Variants in PLD5 observed in about 807,000 individuals in gnomAD.
The protein encoded by PLD5 is inactive phospholipase D5.
In PLD5, 36 loss-of-function variants were observed where a neutral mutation model predicts 61.1. The observed-to-expected ratio is 0.59, with a 90% confidence interval of 0.45 to 0.78. The LOEUF (loss-of-function observed/expected upper bound fraction) is 0.78, where lower values mean the gene tolerates loss of function less well. PLD5 is among the 30% of genes least tolerant of loss of function. The pLI, the probability that PLD5 is intolerant of heterozygous loss-of-function variation, is 0.00. For synonymous variants in PLD5, 243 were observed against 242.8 expected, an observed-to-expected ratio of 1.00 and a Z score of -0.01; for missense variants, 515 against 644.4, an observed-to-expected ratio of 0.80 and a Z score of 2.17.
intron 3 of PLD5, among the ~76,000 whole-genome samples, chr1:242,274,331 C>T (rs1421474319): frequency 2.0e-5 from 3 of 152,214 alleles, no homozygotes; most frequent in East Asian, 1.9e-4. Context: ...GGCGGAGGAT[C>T]ACTTGAGGCC....
At chr1:242,287,454 T>G (rs1270807848) in intron 3 of PLD5, among the ~76,000 whole-genome samples, 1 of 152,222 alleles carries the variant, frequency 6.6e-6, no homozygotes, top group Non-Finnish European at 1.5e-5. Context: ...TCCATTCTTC[T>G]TTAGTTACGG....
At chr1:242,216,384 T>C (rs1177786813) in intron 5 of PLD5, among the ~76,000 whole-genome samples, 4 of 152,220 alleles carry the variant, frequency 2.6e-5, no homozygotes. Flanking sequence ...AGTTTCAGGA[T>C]AGGGTTATGG....
chr1:242,258,304 G>A (rs1673195288), intron 4 of PLD5, among the ~76,000 whole-genome samples: 1 of 152,162 alleles, frequency 6.6e-6, no homozygotes, highest in African/African-American at 2.4e-5. Context: ...CATCCACTGA[G>A]TATGGTCACT....
chr1:242,176,096 A>G (rs540915667), intron 5 of PLD5, among the ~76,000 whole-genome samples: 5 of 152,238 alleles, frequency 3.3e-5, no homozygotes, highest in African/African-American at 4.8e-5. Flanking sequence ...TTTAAAGTTC[A>G]TATGGAACCA....
intron 1 of PLD5, among the ~76,000 whole-genome samples, chr1:242,466,866 C>G (rs1223062250): frequency 6.6e-6 from 1 of 151,130 alleles, no homozygotes; most frequent in East Asian, 1.9e-4. Flanking sequence ...GCACTCCAGC[C>G]TGCGGTACAG....
chr1:242,255,657 T>C (rs1228575350), intron 4 of PLD5, among the ~76,000 whole-genome samples: 1 of 152,186 alleles, frequency 6.6e-6, no homozygotes, highest in African/African-American at 2.4e-5. Flanking sequence ...CTTTCAAAGA[T>C]TTTGTTAAGC....
intron 2 of PLD5, among the ~76,000 whole-genome samples, chr1:242,300,743 G>GT (rs1209340423): frequency 2.1e-4 from 1 of 4,748 alleles, no homozygotes. Flanking sequence ...TCAGAAATGG[G>GT]TTGCAGCGGG....
intron 9 of PLD5, among the ~76,000 whole-genome samples, chr1:242,092,713 T>C (rs1659929717): frequency 1.3e-5 from 2 of 152,134 alleles, no homozygotes; most frequent in South Asian, 4.2e-4. Flanking sequence ...CCCGCAGTCA[T>C]CTGTGGGAGA....
intron 2 of PLD5, among the ~76,000 whole-genome samples, chr1:242,331,829 C>T (rs1245603554): frequency 6.6e-6 from 1 of 152,096 alleles, no homozygotes; most frequent in East Asian, 1.9e-4. Flanking sequence ...TCCTAGAGTG[C>T]CCTGTGCATA....
At chr1:242,263,191 C>T (rs1673471122) in intron 4 of PLD5, among the ~76,000 whole-genome samples, 1 of 152,114 alleles carries the variant, frequency 6.6e-6, no homozygotes, top group South Asian at 2.1e-4. Context: ...TTGTCATTTA[C>T]TGGGAAGCCC....
rs201158086 is a variant in PLD5 at position 242,394,813 on chromosome 1, AAT to A, written c.190-46573_190-46572del. ...GTGAATATATATGTGTATATATGTG[AAT>A]ATATATACATATATGTGAATATATA... On this transcript the variant is annotated intron_variant, in intron 1 of 9. Transcript: ENST00000536534. 1.6e-4 allele frequency among the ~76,000 whole-genome samples: 7 copies of A among 44,220 alleles called. 3 individuals are homozygous for A. Among genetic ancestry groups the A allele is most frequent in the African/African-American group, 5.6e-4 (4 of 7,112 alleles). The allele number at this position is 44,220 out of a possible 152,430, so 29.0% of individuals were successfully genotyped here. A position where few individuals can be genotyped will look rare whatever the true frequency, so the allele number is the denominator to read the frequency against.
At chr1:242,284,959 C>T (rs1030366432) in intron 3 of PLD5, among the ~76,000 whole-genome samples, 13 of 152,202 alleles carry the variant, frequency 8.5e-5, no homozygotes, top group African/African-American at 3.1e-4. Context: ...GCTGGTTTTA[C>T]ATTGTACAGA....
chr1:242,154,977 G>C (rs1665237792), intron 5 of PLD5, among the ~76,000 whole-genome samples: 2 of 152,062 alleles, frequency 1.3e-5, no homozygotes, highest in Non-Finnish European at 2.9e-5. Flanking sequence ...TCTGGTCCTG[G>C]ACATTTTTTG....
chr1:242,092,348 C>T (rs1247157540), intron 9 of PLD5, among the ~76,000 whole-genome samples: 1 of 152,064 alleles, frequency 6.6e-6, no homozygotes, highest in African/African-American at 2.4e-5. Flanking sequence ...TTCCACTTTA[C>T]AGCTGAGGAG....
At chr1:242,470,039 G>A (rs1667393256) in intron 1 of PLD5, among the ~76,000 whole-genome samples, 1 of 152,128 alleles carries the variant, frequency 6.6e-6, no homozygotes, top group African/African-American at 2.4e-5. Context: ...CCAGATGGGT[G>A]CCAAGAAAAT....
chr1:242,347,487 G>A (rs1183560130), intron 2 of PLD5, among the ~76,000 whole-genome samples: 3 of 152,144 alleles, frequency 2.0e-5, no homozygotes, highest in Non-Finnish European at 2.9e-5. Context: ...AGTTTGATGA[G>A]GAGATTTCTG....
chr1:242,342,810 C>A (rs181343224), intron 2 of PLD5, among the ~76,000 whole-genome samples: 1 of 151,424 alleles, frequency 6.6e-6, no homozygotes, highest in Admixed American at 6.6e-5. Context: ...ACAACTGAGG[C>A]TCATTAAAAG....
intron 9 of PLD5, among the ~76,000 whole-genome samples, chr1:242,096,465 C>T (rs1429457367): frequency 6.6e-6 from 1 of 152,120 alleles, no homozygotes; most frequent in Non-Finnish European, 1.5e-5. Context: ...CCTCAGCCTC[C>T]CTAGTAGCTG....
intron 1 of PLD5, among the ~76,000 whole-genome samples, chr1:242,444,655 TATTTA>T (rs1666427938): frequency 1.5e-5 from 1 of 67,738 alleles, no homozygotes; most frequent in African/African-American, 5.7e-5. Flanking sequence ...AAAATATAAA[TATTTA>T]ATTATACTAT....
Sources: gnomAD v4.1 joint callset for allele counts (sites outside exome capture counted in the v4.1 genomes callset) on GRCh38, gnomAD v4.1.1 for gene constraint, MANE v1.5 for transcripts, NCBI Gene and HGNC (gene_info 2026-07-23, HGNC 2026-07-21) for gene names.